Variants in MYO18B observed in about 807,000 individuals in gnomAD.
MYO18B encodes myosin XVIIIB.
In MYO18B, 204 loss-of-function variants were observed where a neutral mutation model predicts 273.0. The observed-to-expected ratio is 0.75, with a 90% confidence interval of 0.67 to 0.84. The LOEUF is 0.84. Ranked by LOEUF, MYO18B falls within the 40% of genes least tolerant of loss-of-function variation. The pLI, the probability that MYO18B is intolerant of heterozygous loss-of-function variation, is 0.00. For missense variants in MYO18B, 3,212 were observed against 3,287.6 expected (o/e 0.98, Z 0.56); for synonymous variants, 1,330 against 1,305.7 (o/e 1.02, Z -0.40).
chr22:26,011,802 A>C (rs1934944511), intron 42 of MYO18B, among the ~76,000 whole-genome samples: 1 of 152,194 alleles, frequency 6.6e-6, no homozygotes. Context: ...TTATTGTATA[A>C]ATTATTCTCA....
chr22:25,865,005 T>C (rs1352363681), intron 21 of MYO18B, among the ~76,000 whole-genome samples: 1 of 152,262 alleles, frequency 6.6e-6, no homozygotes, highest in Non-Finnish European at 1.5e-5. Context: ...TTATGTTATG[T>C]TGAACTAAAT....
intron 12 of MYO18B, among the ~76,000 whole-genome samples, chr22:25,816,706 G>C (rs910126256): frequency 2.0e-4 from 31 of 152,186 alleles, no homozygotes; most frequent in African/African-American, 7.5e-4. Context: ...CAGAGGAGGA[G>C]ACTGAGGCTC....
Position 25,971,156 on chromosome 22 carries a change from TAG to T in MYO18B, c.6156+15794_6156+15795del, listed in dbSNP as rs1252144289. On this transcript the variant is annotated intron_variant, in intron 39 of 43. Coordinates refer to ENST00000335473, the MANE Select transcript of MYO18B (RefSeq NM_032608.7). ...CCTAGACATTATGCAAATGAATGAATAGATGAGCGTGGTTATGTTCCAATAAA... is the reference window on the plus strand; with the variant it reads ...CCTAGACATTATGCAAATGAATGAATATGAGCGTGGTTATGTTCCAATAAA... 2.0e-5 allele frequency among the ~76,000 whole-genome samples: 3 copies of T among 152,234 alleles called. No homozygotes were observed. The East Asian group carries it at 5.8e-4, about 29-fold the overall frequency.
In MYO18B at chr22:25,781,840, C is replaced by T; in HGVS notation, c.2312+6C>T. The T allele has an allele frequency of 1.3e-6, 2 of 1,540,304 alleles. No individual in the cohort carries two copies. Among genetic ancestry groups the T allele is most frequent in the Non-Finnish European group, 1.7e-6 (2 of 1,146,464 alleles). Reference sequence around the variant, plus strand: ...GGATTGGACTTGGATCTCAGGTGAGCACTTGGGGCAGGAAGAGACAGCTGA... The same window carrying T: ...GGATTGGACTTGGATCTCAGGTGAGTACTTGGGGCAGGAAGAGACAGCTGA... On this transcript the variant is annotated splice_donor_region_variant and intron_variant, in intron 10 of 43. Transcript: ENST00000335473.
At chr22:26,054,628 A>G in the MYO18B span, among the ~76,000 whole-genome samples, 1 of 152,214 alleles carries the variant, frequency 6.6e-6, no homozygotes, top group Admixed American at 6.5e-5. Context: ...GAATCTCCTC[A>G]TTGCAATTGC....
At chr22:25,937,388 A>G (rs2092592559) in intron 34 of MYO18B, among the ~76,000 whole-genome samples, 1 of 151,978 alleles carries the variant, frequency 6.6e-6, no homozygotes, top group Admixed American at 6.5e-5. Flanking sequence ...CCAGCAGGGA[A>G]GTGTTTTGAT....
At position 25,742,662 on chromosome 22, in the gene MYO18B, A is replaced by G. The variant is rs545234375; in HGVS notation, c.-110+369A>G. On this transcript the variant is annotated intron_variant, in intron 1 of 43. Coordinates refer to ENST00000335473, the MANE Select transcript of MYO18B (RefSeq NM_032608.7). Reference sequence around the variant, plus strand: ...ACGTCAGGGTTTATATTTTTCCTCAACTACCAGTAATTTCTGCTTCACTGG... The same window carrying G: ...ACGTCAGGGTTTATATTTTTCCTCAGCTACCAGTAATTTCTGCTTCACTGG... 1.3e-4 allele frequency among the ~76,000 whole-genome samples: 20 copies of G among 152,206 alleles called. No homozygotes were observed. The South Asian group carries it at 2.7e-3, about 21-fold the overall frequency.
chr22:26,008,919 A>C (rs967355481), intron 42 of MYO18B, among the ~76,000 whole-genome samples: 2 of 152,112 alleles, frequency 1.3e-5, no homozygotes, highest in African/African-American at 4.8e-5. Context: ...TCTAAGCCTC[A>C]TTTCTTTCTA....
chr22:25,924,411 C>G (rs1316695589), intron 34 of MYO18B, among the ~76,000 whole-genome samples: 2 of 152,188 alleles, frequency 1.3e-5, no homozygotes, highest in African/African-American at 4.8e-5. Context: ...GATATAAGCA[C>G]CATGGATAGT....
At chr22:25,946,284 G>A in intron 35 of MYO18B, 34 bp downstream of exon 35, 2 of 1,430,588 alleles carry the variant, frequency 1.4e-6, no homozygotes, top group African/African-American at 1.4e-5. Flanking sequence ...CAGGGACCTG[G>A]GCCAGCATAG....
chr22:25,789,691 A>C (rs540683518), intron 11 of MYO18B, among the ~76,000 whole-genome samples: 16 of 152,248 alleles, frequency 1.1e-4, no homozygotes, highest in African/African-American at 3.6e-4. Flanking sequence ...CAGAAAAAAC[A>C]CAAGGGCAAA....
intron 12 of MYO18B, among the ~76,000 whole-genome samples, chr22:25,811,179 A>AT (rs562242373): frequency 0.01 from 1,333 of 127,866 alleles, 8 homozygotes; most frequent in South Asian, 0.01. Context: ...GTGCCCGGCT[A>AT]TTTTTTTTTT....
At chr22:26,062,527 A>T in the MYO18B span, among the ~76,000 whole-genome samples, 1 of 152,178 alleles carries the variant, frequency 6.6e-6, no homozygotes, top group East Asian at 1.9e-4. Flanking sequence ...GAGCCCCTGG[A>T]CCCAGTCAAG....
In MYO18B at chr22:25,930,105, G is replaced by C. The variant is rs148269117; in HGVS notation, c.5517+8696G>C. On this transcript the variant is annotated intron_variant, in intron 34 of 43. Coordinates refer to ENST00000335473, the MANE Select transcript of MYO18B (RefSeq NM_032608.7). ...AAGCAATGCCCTTGGCTGGGTTCTT[G>C]CTTCTTTCACTGATCCCTCTTTGCC... Among the ~76,000 whole-genome samples the C allele has an allele frequency of 2.2e-3, 339 of 152,192 alleles. 1 individual carries two copies. Among genetic ancestry groups the C allele is most frequent in the African/African-American group, 7.9e-3 (328 of 41,528 alleles).
chr22:25,892,806 A>G (rs997819459), intron 27 of MYO18B, among the ~76,000 whole-genome samples: 1 of 152,196 alleles, frequency 6.6e-6, no homozygotes, highest in African/African-American at 2.4e-5. Flanking sequence ...AGAGGGGAAC[A>G]TGTTGGTATA....
At chr22:25,756,826 C>A (rs1483141887) in intron 1 of MYO18B, among the ~76,000 whole-genome samples, 1 of 151,514 alleles carries the variant, frequency 6.6e-6, no homozygotes, top group Non-Finnish European at 1.5e-5. Flanking sequence ...TTTGGGAGGC[C>A]GAGGCAGGTG....
At chr22:25,799,929 G>T (rs569439558) in intron 12 of MYO18B, among the ~76,000 whole-genome samples, 1 of 150,996 alleles carries the variant, frequency 6.6e-6, no homozygotes, top group Non-Finnish European at 1.5e-5. Flanking sequence ...ACCAATCTAA[G>T]TGCCCATCCA....
chr22:25,780,257 G>A (rs74845474), intron 9 of MYO18B, 59 bp downstream of exon 9: 52,341 of 1,544,308 alleles, frequency 0.034, 1,056 homozygotes, highest in Non-Finnish European at 0.04. Context: ...CTCTAACCCC[G>A]GGACTCAGCA....
intron 22 of MYO18B, among the ~76,000 whole-genome samples, chr22:25,872,320 G>A (rs562112531): frequency 6.6e-6 from 1 of 152,128 alleles, no homozygotes; most frequent in African/African-American, 2.4e-5. Flanking sequence ...GTTGAACCTC[G>A]CACTTCAAGT....
Sources: gnomAD v4.1 joint callset for allele counts (sites outside exome capture counted in the v4.1 genomes callset) on GRCh38, gnomAD v4.1.1 for gene constraint, MANE v1.5 for transcripts, NCBI Gene and HGNC (gene_info 2026-07-23, HGNC 2026-07-21) for gene names.